The following TRPV4 variants were observed in gnomAD, a reference collection of about 807,000 sequenced individuals.
TRPV4 encodes transient receptor potential cation channel subfamily V member 4.
In TRPV4, 58 loss-of-function variants were observed where a neutral mutation model predicts 84.1. That is an observed-to-expected ratio of 0.69 (90% CI 0.56 to 0.86). The LOEUF (loss-of-function observed/expected upper bound fraction) is 0.86. Ranked by LOEUF, TRPV4 falls within the 40% of genes least tolerant of loss-of-function variation. The pLI is 0.00. For synonymous variants in TRPV4, 489 were observed against 500.9 expected, an observed-to-expected ratio of 0.98 and a Z score of 0.32; for missense variants, 879 against 1,181.1, an observed-to-expected ratio of 0.74 and a Z score of 3.75.
intron 3 of TRPV4, among the ~76,000 whole-genome samples, chr12:109,804,411 C>T (rs576782825): frequency 6.6e-6 from 1 of 152,124 alleles, no homozygotes. Context: ...GGCTTTGCTC[C>T]CCACAGCTGT....
chr12:109,784,166 G>C, intron 15 of TRPV4, 150 bp downstream of exon 15: 1 of 1,295,238 alleles, frequency 7.7e-7, no homozygotes, highest in Non-Finnish European at 1.1e-6. Flanking sequence ...AGGTGCCCCA[G>C]GCATTCACAA....
In TRPV4 at chr12:109,783,490, C is replaced by A. The variant is rs760090166; in HGVS notation, c.*131G>T. ...AGGGGACCACAGGGTCCTGGGGCCTCCCTGGCACCTCCACTGGTCCCTCGC... is the reference window on the plus strand; with the variant it reads ...AGGGGACCACAGGGTCCTGGGGCCTACCTGGCACCTCCACTGGTCCCTCGC... On this transcript the variant is annotated 3_prime_UTR_variant, in exon 16 of 16. Transcript: ENST00000261740. This position sits in a 1 kb window ranked among gnomAD's most constrained non-coding sequence, Gnocchi z 4.6. 1.0e-4 allele frequency: 132 copies of A among 1,305,448 alleles called. 1 individual carries two copies. Among genetic ancestry groups the A allele is most frequent in the Non-Finnish European group, 1.3e-4 (128 of 967,282 alleles). 80.9% of individuals were successfully genotyped at this position (1,305,448 alleles called of 1,614,324 possible).
chr12:109,786,887 G>T lies in TRPV4; in HGVS notation c.2209-50C>A, dbSNP rs780407493. 1 of 1,610,422 alleles carries T rather than the reference G, an allele frequency of 6.2e-7. No individual in the cohort carries two copies. Among genetic ancestry groups the T allele is most frequent in the Non-Finnish European group, 8.5e-7 (1 of 1,178,368 alleles). On this transcript the variant is annotated intron_variant, in intron 13 of 15. Coordinates refer to ENST00000261740, the MANE Select transcript of TRPV4 (RefSeq NM_021625.5). This position sits in a 1 kb window ranked among gnomAD's most constrained non-coding sequence, Gnocchi z 4.5. ...GACATCGGTGAGCCTCACAGCCTGCGCCTGCCGCTCTGGTGGCAGAAATGA... is the reference window on the plus strand; with the variant it reads ...GACATCGGTGAGCCTCACAGCCTGCTCCTGCCGCTCTGGTGGCAGAAATGA...
intron 1 of TRPV4, among the ~76,000 whole-genome samples, chr12:109,831,055 G>A (rs1325103580): frequency 4.6e-5 from 7 of 152,086 alleles, no homozygotes; most frequent in South Asian, 4.1e-4. Context: ...ACAAACAACC[G>A]TGTCACTCCC....
At chr12:109,794,123 A>G (rs1890229441) in intron 8 of TRPV4, 101 bp from the exon 9 acceptor site, 1 of 1,166,666 alleles carries the variant, frequency 8.6e-7, no homozygotes, top group Admixed American at 2.0e-5. Flanking sequence ...CATCCCATGG[A>G]GCCTCCTCCT....
At chr12:109,813,968 G>A (rs1891693298) in intron 2 of TRPV4, among the ~76,000 whole-genome samples, 1 of 151,970 alleles carries the variant, frequency 6.6e-6, no homozygotes, top group Non-Finnish European at 1.5e-5. Context: ...TAAATGAATA[G>A]ATGAATGGAT....
At chr12:109,807,330 G>A (rs1891209998) in intron 3 of TRPV4, among the ~76,000 whole-genome samples, 1 of 149,914 alleles carries the variant, frequency 6.7e-6, no homozygotes, top group South Asian at 2.1e-4. Flanking sequence ...TCAGACTTAG[G>A]CTGTAGACCA....
At position 109,817,532 on chromosome 12, in the gene TRPV4, TG is replaced by T. The variant is rs1329182058; in HGVS notation, c.-31-2706del. On this transcript the variant is annotated intron_variant, in intron 1 of 15. Transcript: ENST00000261740. ...CCCCAGGTTCCTGGGGACTCCAAAA[TG>T]GGGGCTCTGGTGCCAGCCAATCCCA... 3.9e-5 allele frequency among the ~76,000 whole-genome samples: 6 copies of T among 152,270 alleles called. No homozygotes were observed. The East Asian group carries it at 1.2e-3, about 29-fold the overall frequency.
intron 13 of TRPV4, among the ~76,000 whole-genome samples, chr12:109,787,981 C>A (rs544328566): frequency 3.3e-5 from 5 of 152,326 alleles, no homozygotes; most frequent in South Asian, 2.1e-4. Flanking sequence ...CTCACAGTTG[C>A]TAGAAAAAGA....
intron 1 of TRPV4, among the ~76,000 whole-genome samples, chr12:109,821,904 G>A (rs555505461): frequency 5.9e-5 from 9 of 152,132 alleles, no homozygotes; most frequent in African/African-American, 1.7e-4. Flanking sequence ...GGACTATTTC[G>A]TGTCCCCTGT....
At chr12:109,800,858 T>C (rs917174584) in intron 4 of TRPV4, 100 bp from the exon 5 acceptor site, 1 of 147,674 alleles carries the variant, frequency 6.8e-6, no homozygotes, top group Non-Finnish European at 1.3e-5. Flanking sequence ...AATTGGGGGG[T>C]GGGGGATGCA....
At chr12:109,794,145 C>A in intron 8 of TRPV4, 123 bp from the exon 9 acceptor site, 1 of 1,134,998 alleles carries the variant, frequency 8.8e-7, no homozygotes, top group Non-Finnish European at 1.3e-6. Context: ...CACTCTCTTC[C>A]TCCTGAGTCT....
intron 1 of TRPV4, among the ~76,000 whole-genome samples, chr12:109,829,026 A>C (rs1479230449): frequency 6.6e-6 from 1 of 151,880 alleles, no homozygotes; most frequent in Non-Finnish European, 1.5e-5. Flanking sequence ...TCTGAAAAAA[A>C]CCTTTTTTTT....
intron 1 of TRPV4, among the ~76,000 whole-genome samples, chr12:109,816,496 G>T (rs777478518): frequency 2.1e-4 from 32 of 152,174 alleles, no homozygotes; most frequent in Non-Finnish European, 3.2e-4. Flanking sequence ...GTGGGGTTTT[G>T]GCTCAGTGCA....
intron 5 of TRPV4, among the ~76,000 whole-genome samples, chr12:109,799,949 TA>T (rs1890668913): frequency 6.6e-6 from 1 of 151,668 alleles, no homozygotes; most frequent in African/African-American, 2.4e-5. Context: ...TTTATTTATT[TA>T]TTTATTTTTT....
At chr12:109,824,245 G>A (rs909606535) in intron 1 of TRPV4, among the ~76,000 whole-genome samples, 9 of 152,142 alleles carry the variant, frequency 5.9e-5, no homozygotes, top group African/African-American at 1.4e-4. Flanking sequence ...GATTACAGGC[G>A]TCGGCCACCG....
At position 109,788,466 on chromosome 12, in the gene TRPV4, G is replaced by T. The variant is rs751939888; in HGVS notation, c.2142C>A (p.Leu714=). The T allele has an allele frequency of 3.7e-6, 6 of 1,614,094 alleles. No individual in the cohort carries two copies. In the South Asian group the frequency reaches 6.6e-5, roughly 18 times the overall value. ...ILTFVLLLNM[L]IALMGETVGQ... ...CCACTGTCTCGCCCATGAGGGCAAT[G>T]AGCATGTTGAGGAGCAGCACAAAGG... Residue 714 remains leucine (L), a synonymous_variant, in exon 13 of 16, where the codon CTC becomes CTA. Coordinates refer to ENST00000261740, the MANE Select transcript of TRPV4 (RefSeq NM_021625.5).
rs1190778746 is a variant in TRPV4 at position 109,803,142 on chromosome 12, C to T, written c.561G>A (p.Glu187=). The T allele has an allele frequency of 8.7e-6, 14 of 1,613,848 alleles. No individual in the cohort carries two copies. The highest frequency in any genetic ancestry group is 5.5e-5 in the South Asian group (5 of 91,090). ...KKRLTDEEFR[E]PSTGKTCLPK... is the part of the protein sequence containing the mutation. Reference sequence around the variant, plus strand: ...GCAGGCAGGTCTTCCCCGTAGATGGCTCTAGCAAGAGAGACACACAAGATG... The same window carrying T: ...GCAGGCAGGTCTTCCCCGTAGATGGTTCTAGCAAGAGAGACACACAAGATG... Residue 187 remains glutamate (E), a splice_region_variant and synonymous_variant, in exon 4 of 16, where the codon GAG becomes GAA. Coordinates refer to ENST00000261740, the MANE Select transcript of TRPV4 (RefSeq NM_021625.5).
At chr12:109,792,307 A>G in intron 12 of TRPV4, 56 bp downstream of exon 12, 2 of 1,451,180 alleles carry the variant, frequency 1.4e-6, no homozygotes, top group South Asian at 1.1e-5. Context: ...CATCATGGCT[A>G]CTGTTCCCGT....
Sources: gnomAD v4.1 joint callset for allele counts (sites outside exome capture counted in the v4.1 genomes callset) on GRCh38, gnomAD v4.1.1 for gene constraint, Gnocchi (gnomAD v3.1) non-coding constraint, MANE v1.5 for transcripts, NCBI Gene and HGNC (gene_info 2026-07-23, HGNC 2026-07-21) for gene names.